FBLN2: variants seen among roughly 807,000 people sequenced by gnomAD.
The protein encoded by FBLN2 is fibulin 2.
A neutral mutation model predicts 123.7 loss-of-function variants in FBLN2; 81 were observed. That is an observed-to-expected ratio of 0.65 (90% confidence interval 0.55 to 0.79). The LOEUF (loss-of-function observed/expected upper bound fraction) is 0.79, where lower values mean the gene tolerates loss of function less well. Among genes scored for constraint, FBLN2 ranks in the 30% least tolerant of loss-of-function variants. The pLI is 0.00. For missense variants in FBLN2, 1,603 were observed against 1,681.3 expected (o/e 0.95, Z 0.81); for synonymous variants, 699 against 701.4 (o/e 1.00, Z 0.05).
Position 13,549,203 on chromosome 3 carries a change from C to A in FBLN2, c.-47C>A. 1.0e-6 allele frequency: 1 copy of A among 983,560 alleles called. No homozygotes were observed. 60.9% of individuals were successfully genotyped at this position (983,560 alleles called of 1,614,324 possible). On this transcript the variant is annotated 5_prime_UTR_variant, in exon 1 of 18. Coordinates refer to ENST00000404922, the MANE Select transcript of FBLN2 (RefSeq NM_001004019.2). ...GACGGACGGACGCCGAGCGCAGTGC[C>A]CCGCGGTGAGTGCACGCGGCCCCTC... is the stretch of plus-strand genomic sequence containing the variant.
In FBLN2 at chr3:13,633,423, C is replaced by T. The variant is rs116774499; in HGVS notation, c.3214+1966C>T. On this transcript the variant is annotated intron_variant, in intron 16 of 17. Transcript: ENST00000404922. ...TAGAGCCCCACACCTGCACATCTGC[C>T]GCCCTCGCTTGCTCTCCAGACCTTC... Among the ~76,000 whole-genome samples the T allele has an allele frequency of 4.5e-3, 685 of 152,396 alleles. 20 individuals carry two copies. The highest frequency in any genetic ancestry group is 2.7e-3 in the Non-Finnish European group (187 of 68,042).
At chr3:13,629,370 C>G in intron 13 of FBLN2, 78 bp downstream of exon 13, 1 of 1,476,876 alleles carries the variant, frequency 6.8e-7, no homozygotes, top group Non-Finnish European at 9.0e-7. Context: ...CCTCCCCATG[C>G]CCAGCACCTC....
chr3:13,622,004 GGCCTGCCCTTT>G, intron 9 of FBLN2, 89 bp downstream of exon 9: 1 of 1,467,760 alleles, frequency 6.8e-7, no homozygotes, highest in Non-Finnish European at 9.2e-7. Context: ...CATGCCAAAG[GGCCTGCCCTTT>G]GCATGTGAGC....
chr3:13,599,570 C>T (rs376892887), intron 2 of FBLN2, among the ~76,000 whole-genome samples: 4 of 151,846 alleles, frequency 2.6e-5, no homozygotes, highest in South Asian at 4.2e-4. Context: ...ATTCTATAGC[C>T]CTGTGGGTGA....
rs1317372675 is a variant in FBLN2 at position 13,637,563 on chromosome 3, A to T, written c.3340A>T (p.Lys1114Ter). The stretch of plus-strand genomic sequence containing the variant: ...TGACCCGGCCTATCCTCCCTGCAGG[A>T]AGTGCGAGCGCACCACGTGCCATGA... ...PPNYVQVSKT[K>*]CERTTCHDFL... The change falls in exon 18 of 18, where the codon AAG becomes TAG. Residue 1114 changes from lysine to a stop codon, truncating the protein, a stop_gained and splice_region_variant. Transcript: ENST00000404922. LOFTEE classifies it high-confidence loss of function. 3.1e-6 allele frequency: 5 copies of T among 1,600,766 alleles called. No homozygotes were observed. Among genetic ancestry groups the T allele is most frequent in the Non-Finnish European group, 4.3e-6 (5 of 1,171,158 alleles).
At position 13,561,600 on chromosome 3, in the gene FBLN2, A is replaced by C. The variant is rs1439738379; in HGVS notation, c.-41-8715A>C. Among the ~76,000 whole-genome samples the C allele has an allele frequency of 2.0e-5, 3 of 152,030 alleles. No homozygotes were observed. The East Asian group carries it at 5.8e-4, about 29-fold the overall frequency. ...CCCCAGATCTTTGCATGGCCACCAC[A>C]TTTTTGCATGATATCAGCAAGTAGG... is the stretch of plus-strand genomic sequence containing the variant. On this transcript the variant is annotated intron_variant, in intron 1 of 17. Transcript: ENST00000404922.
chr3:13,601,248 A>G (rs1281150039), intron 2 of FBLN2, among the ~76,000 whole-genome samples: 1 of 152,230 alleles, frequency 6.6e-6, no homozygotes, highest in Non-Finnish European at 1.5e-5. Context: ...CTGTAAGGCA[A>G]TCTTGGAAGA....
rs1367674873 is a variant in FBLN2 at position 13,627,531 on chromosome 3, G to C, written c.2432-301G>C. On this transcript the variant is annotated intron_variant, in intron 10 of 17. Coordinates refer to ENST00000404922, the MANE Select transcript of FBLN2 (RefSeq NM_001004019.2). ...TGTCTCTGCCTCAGCTTCCCTCCTTGTAAGATGGGGCTTGTCATGACATCT... is the reference window on the plus strand; with the variant it reads ...TGTCTCTGCCTCAGCTTCCCTCCTTCTAAGATGGGGCTTGTCATGACATCT... Among the ~76,000 whole-genome samples, 5 of 152,204 alleles carry C rather than the reference G, an allele frequency of 3.3e-5. No homozygotes were observed. In the East Asian group the frequency reaches 9.6e-4, roughly 29 times the overall value.
At position 13,593,713 on chromosome 3, in the gene FBLN2, C is replaced by CAAA. The variant is rs59546141; in HGVS notation, c.1307-14332_1307-14330dup. 9.9e-3 allele frequency among the ~76,000 whole-genome samples: 807 copies of CAAA among 81,186 alleles called. 71 individuals carry two copies. The highest frequency in any genetic ancestry group is 0.034 in the South Asian group (82 of 2,386). 53.3% of individuals were successfully genotyped at this position (81,186 alleles called of 152,430 possible). On this transcript the variant is annotated intron_variant, in intron 2 of 17. Transcript: ENST00000404922. ...TGGGCGACAGAGTGAGACTCTATCT[C>CAAA]AAAAAAAAAAAAAAAAAAAGTGGAA...
intron 2 of FBLN2, among the ~76,000 whole-genome samples, chr3:13,581,503 T>C (rs1704326835): frequency 1.3e-5 from 2 of 152,152 alleles, no homozygotes; most frequent in South Asian, 4.1e-4. Flanking sequence ...GCTGAGGTAG[T>C]ATGCGTGCCG....
At chr3:13,620,723 C>A (rs1465846592) in intron 8 of FBLN2, among the ~76,000 whole-genome samples, 1 of 152,184 alleles carries the variant, frequency 6.6e-6, no homozygotes, top group Non-Finnish European at 1.5e-5. Flanking sequence ...GCAGTTCTGG[C>A]TCAGAGATGA....
chr3:13,571,575 G>A lies in FBLN2; in HGVS notation c.1220G>A (p.Arg407Lys). The A allele has an allele frequency of 6.2e-7, 1 of 1,613,600 alleles. No individual in the cohort carries two copies. Among genetic ancestry groups the A allele is most frequent in the Non-Finnish European group, 8.5e-7 (1 of 1,179,806 alleles). The part of the protein sequence containing the change: ...AWIPPTREVP[R>K]KPQVLPHSHV... ...ATCCCACCCACCCGAGAAGTGCCCA[G>A]GAAGCCGCAAGTTCTGCCCCATTCC... The change falls in exon 2 of 18, where the codon AGG (arginine) becomes AAG (lysine). Residue 407 changes from arginine (R) to lysine (K), a missense_variant. Transcript: ENST00000404922.
At chr3:13,554,565 G>A (rs569539127) in intron 1 of FBLN2, among the ~76,000 whole-genome samples, 6 of 81,744 alleles carry the variant, frequency 7.3e-5, no homozygotes, top group Non-Finnish European at 1.6e-4. Flanking sequence ...TGAAGATCTC[G>A]CTCATCACTG....
intron 2 of FBLN2, among the ~76,000 whole-genome samples, chr3:13,601,217 A>G (rs1705022097): frequency 1.3e-5 from 2 of 152,222 alleles, no homozygotes; most frequent in South Asian, 2.1e-4. Flanking sequence ...TCATCTGGCT[A>G]AGAGCCAGGG....
chr3:13,606,945 G>A (rs73148684), intron 2 of FBLN2, among the ~76,000 whole-genome samples: 19,986 of 149,638 alleles, frequency 0.13, 1,522 homozygotes, highest in East Asian at 0.36. Flanking sequence ...GAGCCACCGT[G>A]CCCGGCTGAC....
Position 13,619,850 on chromosome 3 carries a change from C to G in FBLN2, c.2155+19C>G, listed in dbSNP as rs771533319. 10 of 1,595,556 alleles carry G rather than the reference C, an allele frequency of 6.3e-6. No individual in the cohort carries two copies. In the Middle Eastern group the frequency reaches 1.2e-3, roughly 186 times the overall value. ...TGTGAAGGTGAGTGCCTTGGGGTGC[C>G]CTCCTACCTGTGCAAACCTGAGTTG... On this transcript the variant is annotated intron_variant, in intron 8 of 17. Coordinates refer to ENST00000404922, the MANE Select transcript of FBLN2 (RefSeq NM_001004019.2).
At chr3:13,568,403 G>A (rs973170798) in intron 1 of FBLN2, among the ~76,000 whole-genome samples, 6 of 152,176 alleles carry the variant, frequency 3.9e-5, no homozygotes, top group Admixed American at 3.9e-4. Flanking sequence ...TCACTGCCCT[G>A]GGCTCTCTCA....
intron 1 of FBLN2, among the ~76,000 whole-genome samples, chr3:13,569,724 C>G (rs1266540128): frequency 6.6e-6 from 1 of 151,964 alleles, no homozygotes; most frequent in African/African-American, 2.4e-5. Flanking sequence ...GCGTCTTGTT[C>G]TTGCCTAGCA....
At chr3:13,608,227 C>G in intron 3 of FBLN2, 54 bp downstream of exon 3, 2 of 1,347,736 alleles carry the variant, frequency 1.5e-6, no homozygotes, top group Non-Finnish European at 2.1e-6. Flanking sequence ...TCTCCAGAAC[C>G]CTGCTTGCCT....
Sources: gnomAD v4.1 joint callset for allele counts (sites outside exome capture counted in the v4.1 genomes callset) on GRCh38, gnomAD v4.1.1 for gene constraint, MANE v1.5 for transcripts, NCBI Gene and HGNC (gene_info 2026-07-23, HGNC 2026-07-21) for gene names.